The following CAMKMT variants were observed in gnomAD, a reference collection of about 807,000 sequenced individuals.
The protein encoded by CAMKMT is calmodulin-lysine N-methyltransferase, also known as CaM KMT.
CAMKMT carries 53 observed loss-of-function variants against 48.0 expected under a neutral mutation model. The observed-to-expected ratio is 1.10, with a 90% CI of 0.89 to 1.39. The LOEUF is 1.39. CAMKMT is among the 40% of genes most tolerant of loss of function. The probability of loss-of-function intolerance (pLI) is 0.00; values close to 1 mark genes in which losing one functional copy is unlikely to be tolerated. For missense variants in CAMKMT, 428 were observed against 402.7 expected (o/e 1.06, Z -0.54); for synonymous variants, 165 against 152.3 (o/e 1.08, Z -0.61).
At chr2:44,483,921 T>C (rs1669092907) in intron 3 of CAMKMT, among the ~76,000 whole-genome samples, 1 of 152,120 alleles carries the variant, frequency 6.6e-6, no homozygotes, top group Non-Finnish European at 1.5e-5. Context: ...TCTAGAGAAG[T>C]CTGAATAATT....
intron 3 of CAMKMT, among the ~76,000 whole-genome samples, chr2:44,576,182 G>A (rs112664301): frequency 0.044 from 6,732 of 151,880 alleles, 468 homozygotes; most frequent in African/African-American, 0.15. Flanking sequence ...CAATAAATTA[G>A]CCAGGCGTGG....
At chr2:44,627,697 C>CTTT (rs1174344846) in intron 3 of CAMKMT, among the ~76,000 whole-genome samples, 1,816 of 75,002 alleles carry the variant, frequency 0.024, 308 homozygotes, top group Non-Finnish European at 0.031. Flanking sequence ...CCATTTTATC[C>CTTT]TTTTTTTTTT....
chr2:44,511,952 C>CCTA (rs1258334065), intron 3 of CAMKMT, among the ~76,000 whole-genome samples: 4 of 152,184 alleles, frequency 2.6e-5, no homozygotes, highest in African/African-American at 9.6e-5. Flanking sequence ...CCTAGGCTGT[C>CCTA]CCTCTTGTAG....
intron 2 of CAMKMT, among the ~76,000 whole-genome samples, chr2:44,375,508 A>T (rs1679597848): frequency 6.6e-6 from 1 of 152,172 alleles, no homozygotes; most frequent in South Asian, 2.1e-4. Flanking sequence ...CAGGCTGTGC[A>T]TAAGTACTTT....
intron 3 of CAMKMT, among the ~76,000 whole-genome samples, chr2:44,456,339 A>T (rs1424909301): frequency 1.3e-5 from 2 of 152,190 alleles, no homozygotes; most frequent in Non-Finnish European, 2.9e-5. Context: ...CCTAAGAGAA[A>T]TAACAGAATC....
intron 9 of CAMKMT, among the ~76,000 whole-genome samples, chr2:44,756,537 C>T (rs914734356): frequency 3.3e-5 from 5 of 151,880 alleles, no homozygotes; most frequent in South Asian, 2.1e-4. Flanking sequence ...GTCAGGAGAT[C>T]GAGACCATCC....
intron 3 of CAMKMT, among the ~76,000 whole-genome samples, chr2:44,441,161 C>T (rs149140334): frequency 6.6e-6 from 1 of 152,228 alleles, no homozygotes; most frequent in Non-Finnish European, 1.5e-5. Flanking sequence ...TTTCCTGTGA[C>T]TCAATATATG....
At position 44,539,283 on chromosome 2, in the gene CAMKMT, C is replaced by CAAA. The variant is rs35929999; in HGVS notation, c.376+148994_376+148996dup. ...TTGTGCCACTGTACTCCAGAAGTCTCAAAAAAAAAAAAAAAAAACCCAAAA... is the reference window on the plus strand; with the variant it reads ...TTGTGCCACTGTACTCCAGAAGTCTCAAAAAAAAAAAAAAAAAAAAACCCAAAA... On this transcript the variant is annotated intron_variant, in intron 3 of 10. Transcript: ENST00000378494. Among the ~76,000 whole-genome samples the CAAA allele has an allele frequency of 3.9e-3, 458 of 117,188 alleles. 2 individuals are homozygous for CAAA. Among genetic ancestry groups the CAAA allele is most frequent in the African/African-American group, 0.012 (358 of 30,966 alleles). 76.9% of individuals were successfully genotyped at this position (117,188 alleles called of 152,430 possible). A position where few individuals can be genotyped will look rare whatever the true frequency, so the allele number is the denominator to read the frequency against.
At chr2:44,478,304 T>C (rs1231700461) in intron 3 of CAMKMT, among the ~76,000 whole-genome samples, 1 of 152,222 alleles carries the variant, frequency 6.6e-6, no homozygotes, top group Admixed American at 6.5e-5. Context: ...CTATATATTT[T>C]TTTTCTTGCC....
intron 3 of CAMKMT, among the ~76,000 whole-genome samples, chr2:44,514,051 G>C (rs995966511): frequency 2.7e-5 from 4 of 150,360 alleles, no homozygotes; most frequent in African/African-American, 7.4e-5. Flanking sequence ...GCAATGAGTT[G>C]AGATTGCGCC....
At chr2:44,555,277 A>T (rs1441966859) in intron 3 of CAMKMT, among the ~76,000 whole-genome samples, 1 of 152,180 alleles carries the variant, frequency 6.6e-6, no homozygotes, top group Non-Finnish European at 1.5e-5. Flanking sequence ...GAGACCTTAA[A>T]CTAGGGGTAT....
At chr2:44,566,104 C>T (rs992059145) in intron 3 of CAMKMT, among the ~76,000 whole-genome samples, 1 of 152,138 alleles carries the variant, frequency 6.6e-6, no homozygotes. Flanking sequence ...GTATTATGAT[C>T]TACTCATAAC....
Position 44,702,982 on chromosome 2 carries a change from T to G in CAMKMT, c.377-1301T>G, listed in dbSNP as rs193052517. On this transcript the variant is annotated intron_variant, in intron 3 of 10. Coordinates refer to ENST00000378494, the MANE Select transcript of CAMKMT (RefSeq NM_024766.5). ...TTTTGTAGATGTTTCAACCTTGCATTAAGACCATCAGCAGAGTGCTTGGTG... is the reference window on the plus strand; with the variant it reads ...TTTTGTAGATGTTTCAACCTTGCATGAAGACCATCAGCAGAGTGCTTGGTG... Among the ~76,000 whole-genome samples the G allele has an allele frequency of 5.3e-3, 805 of 152,274 alleles. 3 individuals are homozygous for G. The highest frequency in any genetic ancestry group is 7.7e-3 in the Non-Finnish European group (523 of 68,012).
chr2:44,545,035 C>T (rs1002690758), intron 3 of CAMKMT, among the ~76,000 whole-genome samples: 34 of 152,050 alleles, frequency 2.2e-4, no homozygotes, highest in African/African-American at 8.2e-4. Context: ...GCAAATTTTC[C>T]ATAGAGAGCA....
chr2:44,540,268 G>A (rs1027950252), intron 3 of CAMKMT, among the ~76,000 whole-genome samples: 1 of 151,972 alleles, frequency 6.6e-6, no homozygotes, highest in Non-Finnish European at 1.5e-5. Context: ...AATTGTCCCA[G>A]ATTTTGTCTG....
At chr2:44,524,543 T>G (rs1572712545) in intron 3 of CAMKMT, among the ~76,000 whole-genome samples, 1 of 152,066 alleles carries the variant, frequency 6.6e-6, no homozygotes. Flanking sequence ...CTTCCTCCTC[T>G]TCTTTCCTTT....
rs1213483090 is a variant in CAMKMT at position 44,390,233 on chromosome 2, C to A, written c.312-8C>A. On this transcript the variant is annotated splice_region_variant and splice_polypyrimidine_tract_variant and intron_variant, in intron 2 of 10. Coordinates refer to ENST00000378494, the MANE Select transcript of CAMKMT (RefSeq NM_024766.5). Reference sequence around the variant, plus strand: ...AATCATTAAAGCAAACGCTTTACTCCTTTCTAGGCATAATAGTGGATCCTT... The same window carrying A: ...AATCATTAAAGCAAACGCTTTACTCATTTCTAGGCATAATAGTGGATCCTT... 6.3e-7 allele frequency: 1 copy of A among 1,599,568 alleles called. No homozygotes were observed. Among genetic ancestry groups the A allele is most frequent in the Non-Finnish European group, 8.5e-7 (1 of 1,174,652 alleles).
In CAMKMT at chr2:44,761,586, C is replaced by T. The variant is rs142778872; in HGVS notation, c.763-4844C>T. 7.9e-5 allele frequency among the ~76,000 whole-genome samples: 12 copies of T among 152,268 alleles called. No individual in the cohort carries two copies. The East Asian group carries it at 2.3e-3, about 29-fold the overall frequency. Reference sequence around the variant, plus strand: ...TCCTCTGTCTTGGTCTTCCTCTTATCCCTCCAGGCCACCCCTGAAGCAATT... The same window carrying T: ...TCCTCTGTCTTGGTCTTCCTCTTATTCCTCCAGGCCACCCCTGAAGCAATT... On this transcript the variant is annotated intron_variant, in intron 9 of 10. Transcript: ENST00000378494.
chr2:44,601,816 T>A (rs547308723), intron 3 of CAMKMT, among the ~76,000 whole-genome samples: 1 of 152,190 alleles, frequency 6.6e-6, no homozygotes, highest in South Asian at 2.1e-4. Context: ...TAATTTTTCC[T>A]ACTAAGAAGG....
Sources: gnomAD v4.1 joint callset for allele counts (sites outside exome capture counted in the v4.1 genomes callset) on GRCh38, gnomAD v4.1.1 for gene constraint, MANE v1.5 for transcripts, NCBI Gene and HGNC (gene_info 2026-07-23, HGNC 2026-07-21) for gene names.